The following CDH12 variants were observed in gnomAD, a reference collection of about 807,000 sequenced individuals.
CDH12 encodes the protein cadherin-12.
A neutral mutation model predicts 74.1 loss-of-function variants in CDH12; 41 were observed. The ratio of observed to expected loss-of-function variants is 0.55; its 90% CI spans 0.43 to 0.72. The LOEUF is 0.72. Among genes scored for constraint, CDH12 ranks in the 30% least tolerant of loss-of-function variants. The probability of loss-of-function intolerance (pLI) is 0.00; values close to 1 mark genes in which losing one functional copy is unlikely to be tolerated. For missense variants in CDH12, 945 were observed against 977.2 expected, an observed-to-expected ratio of 0.97 and a Z score of 0.44; for synonymous variants, 399 against 355.0, an observed-to-expected ratio of 1.12 and a Z score of -1.39.
intron 2 of CDH12, among the ~76,000 whole-genome samples, chr5:22,427,254 G>A (rs1435032503): frequency 3.9e-5 from 6 of 152,112 alleles, no homozygotes; most frequent in Non-Finnish European, 8.8e-5. Context: ...TGCAACCTCC[G>A]CCTCCTGGGT....
At chr5:22,048,318 T>A (rs1325746464) in intron 5 of CDH12, among the ~76,000 whole-genome samples, 1 of 151,870 alleles carries the variant, frequency 6.6e-6, no homozygotes, top group Non-Finnish European at 1.5e-5. Flanking sequence ...TCAAAAGAAA[T>A]TGAGATAGAG....
At chr5:22,084,835 A>G (rs1301614774) in intron 4 of CDH12, among the ~76,000 whole-genome samples, 6 of 152,176 alleles carry the variant, frequency 3.9e-5, no homozygotes, top group Non-Finnish European at 8.8e-5. Flanking sequence ...TCCCCCAGGC[A>G]TGAAACACAG....
At chr5:22,199,379 G>A (rs1480395582) in intron 4 of CDH12, among the ~76,000 whole-genome samples, 1 of 152,178 alleles carries the variant, frequency 6.6e-6, no homozygotes, top group African/African-American at 2.4e-5. Context: ...GGTGGGAGAT[G>A]GCTGGTAGCT....
intron 3 of CDH12, among the ~76,000 whole-genome samples, chr5:22,377,672 C>T (rs1272477459): frequency 6.6e-6 from 1 of 152,148 alleles, no homozygotes; most frequent in Non-Finnish European, 1.5e-5. Context: ...ACTTTCTATG[C>T]CAGATTTCCA....
chr5:21,779,477 A>T (rs1745788107), intron 11 of CDH12: 1 of 152,228 alleles, frequency 6.6e-6, no homozygotes, highest in Admixed American at 6.5e-5. Flanking sequence ...TCTCTGTCTC[A>T]TTGAAAATAC....
intron 8 of CDH12, among the ~76,000 whole-genome samples, chr5:21,835,629 A>G (rs1265856444): frequency 6.6e-6 from 1 of 151,964 alleles, no homozygotes; most frequent in Non-Finnish European, 1.5e-5. Flanking sequence ...TAAGAATGCC[A>G]AATAGTAAAC....
intron 3 of CDH12, among the ~76,000 whole-genome samples, chr5:22,286,810 T>G (rs1223132313): frequency 6.6e-6 from 1 of 152,144 alleles, no homozygotes; most frequent in African/African-American, 2.4e-5. Flanking sequence ...AAAAAGACAT[T>G]TTGTATCATG....
At chr5:21,970,851 A>AAAAAAAAAAAAAAAAC in intron 6 of CDH12, among the ~76,000 whole-genome samples, 1 of 129,170 alleles carries the variant, frequency 7.7e-6, no homozygotes, top group African/African-American at 2.7e-5. Flanking sequence ...AAAAAAAAAA[A>AAAAAAAAAAAAAAAAC]AAAAAAAAAA....
chr5:22,708,933 T>C (rs994367940), intron 1 of CDH12, among the ~76,000 whole-genome samples: 4 of 152,168 alleles, frequency 2.6e-5, no homozygotes, highest in Admixed American at 6.5e-5. Flanking sequence ...CTGTGGTCAC[T>C]GTTCTTGATT....
Position 22,684,666 on chromosome 5 carries a change from T to A in CDH12, c.-523+168392A>T, listed in dbSNP as rs562181789. On this transcript the variant is annotated intron_variant, in intron 1 of 14. Coordinates refer to ENST00000382254, the MANE Select transcript of CDH12 (RefSeq NM_004061.5). Reference sequence around the variant, plus strand: ...AGAAATGTCAATGCATTTTGTAAAATGAAACTAGAGCTATAGCAATTGGTG... The same window carrying A: ...AGAAATGTCAATGCATTTTGTAAAAAGAAACTAGAGCTATAGCAATTGGTG... Among the ~76,000 whole-genome samples the A allele has an allele frequency of 8.1e-4, 124 of 152,348 alleles. No homozygotes were observed. In the South Asian group the frequency reaches 0.021, roughly 26 times the overall value.
At chr5:22,058,042 T>TATCA (rs1238428971) in intron 5 of CDH12, among the ~76,000 whole-genome samples, 1 of 140,246 alleles carries the variant, frequency 7.1e-6, no homozygotes, top group Non-Finnish European at 1.6e-5. Context: ...TCTATCTATC[T>TATCA]ATCATCTATC....
intron 4 of CDH12, among the ~76,000 whole-genome samples, chr5:22,149,928 A>C (rs548160963): frequency 6.6e-6 from 1 of 152,150 alleles, no homozygotes; most frequent in African/African-American, 2.4e-5. Flanking sequence ...TGGAAGGCGG[A>C]GGTTGCAATG....
At chr5:22,487,772 A>G (rs1416843586) in intron 2 of CDH12, among the ~76,000 whole-genome samples, 1 of 152,228 alleles carries the variant, frequency 6.6e-6, no homozygotes. Context: ...ATGTGTTTTA[A>G]TGTGCATACC....
At chr5:22,841,199 G>A (rs932667259) in intron 1 of CDH12, among the ~76,000 whole-genome samples, 2 of 152,170 alleles carry the variant, frequency 1.3e-5, no homozygotes, top group African/African-American at 4.8e-5. Flanking sequence ...ATGGTGACAA[G>A]AGAGCAACAG....
chr5:22,085,280 T>C (rs576755335), intron 4 of CDH12, among the ~76,000 whole-genome samples: 5 of 152,056 alleles, frequency 3.3e-5, no homozygotes, highest in African/African-American at 1.2e-4. Flanking sequence ...CTAAAAGATA[T>C]ACAAAGGCTG....
Position 22,775,560 on chromosome 5 carries a change from C to CA in CDH12, c.-523+77497dup, listed in dbSNP as rs201639101. ...TACTAAAACAAATATAATTGGGCAA[C>CA]AAAAAAAAACTGGATAATATTAACA... On this transcript the variant is annotated intron_variant, in intron 1 of 14. Coordinates refer to ENST00000382254, the MANE Select transcript of CDH12 (RefSeq NM_004061.5). Among the ~76,000 whole-genome samples the CA allele has an allele frequency of 5.2e-3, 768 of 148,872 alleles. 4 individuals are homozygous for CA. The highest frequency in any genetic ancestry group is 0.04 in the East Asian group (203 of 5,102).
chr5:22,071,967 G>T (rs1462075056), intron 5 of CDH12, among the ~76,000 whole-genome samples: 1 of 151,828 alleles, frequency 6.6e-6, no homozygotes, highest in African/African-American at 2.4e-5. Flanking sequence ...CCTTTACATT[G>T]CCATGATCAA....
intron 3 of CDH12, among the ~76,000 whole-genome samples, chr5:22,265,348 C>T (rs1040410442): frequency 6.6e-6 from 1 of 152,120 alleles, no homozygotes; most frequent in Non-Finnish European, 1.5e-5. Context: ...ATATCAGGAA[C>T]TCTGGAAAAT....
intron 6 of CDH12, among the ~76,000 whole-genome samples, chr5:21,950,174 T>C (rs1298313964): frequency 6.6e-6 from 1 of 152,136 alleles, no homozygotes; most frequent in Non-Finnish European, 1.5e-5. Context: ...GCTGTATAGG[T>C]TTGTAGCCTA....
Sources: allele counts gnomAD v4.1 joint callset (sites outside exome capture counted in the v4.1 genomes callset), GRCh38; gene constraint gnomAD v4.1.1; transcripts MANE v1.5; gene names NCBI Gene and HGNC (gene_info 2026-07-23, HGNC 2026-07-21).